Variants in CKAP5 observed in about 807,000 individuals in gnomAD.
CKAP5 encodes the protein cytoskeleton associated protein 5, also known as cytoskeleton-associated protein 5.
Under a neutral mutation model 232.8 loss-of-function variants are expected in CKAP5, and 27 were observed. The ratio of observed to expected loss-of-function variants is 0.12; its 90% confidence interval spans 0.09 to 0.16. The LOEUF (loss-of-function observed/expected upper bound fraction) is 0.16. Among genes scored for constraint, CKAP5 ranks in the 10% least tolerant of loss-of-function variants. The pLI, the probability that CKAP5 is intolerant of heterozygous loss-of-function variation, is 1.00. For missense variants in CKAP5, 1,838 were observed against 2,424.7 expected (o/e 0.76, Z 5.08); for synonymous variants, 785 against 841.1 (o/e 0.93, Z 1.16).
chr11:46,763,357 C>T (rs559698982), intron 29 of CKAP5, 124 bp downstream of exon 29: 1 of 1,010,354 alleles, frequency 9.9e-7, no homozygotes, highest in Non-Finnish European at 1.4e-6. Flanking sequence ...AATAACAAGA[C>T]AGCTCTAAAA....
chr11:46,831,389 C>CAG (rs1169293250), intron 1 of CKAP5, among the ~76,000 whole-genome samples: 1 of 152,176 alleles, frequency 6.6e-6, no homozygotes, highest in African/African-American at 2.4e-5. Context: ...TTCACTCTCT[C>CAG]TCTTAACATT....
At position 46,758,787 on chromosome 11, in the gene CKAP5, T is replaced by C; in HGVS notation, c.4689+136A>G. The C allele has an allele frequency of 4.4e-6, 4 of 917,564 alleles. 1 individual carries two copies. The South Asian group carries it at 7.5e-5, about 17-fold the overall frequency. The allele number at this position is 917,564 out of a possible 1,614,324, so 56.8% of individuals were successfully genotyped here. On this transcript the variant is annotated intron_variant, in intron 35 of 43. Coordinates refer to ENST00000529230, the MANE Select transcript of CKAP5 (RefSeq NM_001008938.4). ...GCAAGTGATGACTGAGTGGCACCTG[T>C]GCATTTCTTTCCTCGGGAAAGTATG...
At chr11:46,771,840 A>G (rs571275484) in intron 24 of CKAP5, among the ~76,000 whole-genome samples, 2 of 152,308 alleles carry the variant, frequency 1.3e-5, no homozygotes, top group African/African-American at 4.8e-5. Context: ...GTTTAGTTTT[A>G]TAAGAAAATA....
intron 8 of CKAP5, among the ~76,000 whole-genome samples, chr11:46,807,333 C>A (rs370714668): frequency 6.6e-6 from 1 of 152,106 alleles, no homozygotes. Context: ...CTTAGGTGTG[C>A]GTATAATTAA....
At chr11:46,814,738 A>G (rs1939358961) in intron 4 of CKAP5, among the ~76,000 whole-genome samples, 1 of 152,238 alleles carries the variant, frequency 6.6e-6, no homozygotes, top group African/African-American at 2.4e-5. Context: ...ATGGCCAAAC[A>G]AGAAAGTCTA....
chr11:46,779,747 G>A (rs944879407), intron 20 of CKAP5, among the ~76,000 whole-genome samples: 2 of 151,928 alleles, frequency 1.3e-5, no homozygotes, highest in African/African-American at 4.8e-5. Flanking sequence ...GGCCTCCTGT[G>A]TAGCTGGGAC....
chr11:46,753,069 T>C, intron 37 of CKAP5: 2 of 451,920 alleles, frequency 4.4e-6, no homozygotes, highest in South Asian at 5.0e-5. Flanking sequence ...GTTTTAGCTA[T>C]GGTCTCAGGC....
intron 1 of CKAP5, among the ~76,000 whole-genome samples, chr11:46,831,489 A>G (rs1939791421): frequency 6.6e-6 from 1 of 152,104 alleles, no homozygotes; most frequent in Non-Finnish European, 1.5e-5. Flanking sequence ...CTAGTGTAAA[A>G]TTTCTAAAAT....
In CKAP5 at chr11:46,760,621, G is replaced by A. The variant is rs997876908; in HGVS notation, c.4385C>T (p.Ser1462Phe). 5 of 1,614,166 alleles carry A rather than the reference G, an allele frequency of 3.1e-6. No homozygotes were observed. Among genetic ancestry groups the A allele is most frequent in the Non-Finnish European group, 4.2e-6 (5 of 1,180,008 alleles). ...LRKGPAEDMS[S>F]KLNQARSMSG... is the part of the protein sequence containing the mutation. Reference sequence around the variant, plus strand: ...ATCTCTATCTACATACTTGAGTTTGGAAGACATGTCCTCAGCTGGTCCCTT... The same window carrying A: ...ATCTCTATCTACATACTTGAGTTTGAAAGACATGTCCTCAGCTGGTCCCTT... The change falls in exon 33 of 44, where the codon TCC becomes TTC. Residue 1462 changes from serine (S) to phenylalanine (F), a missense_variant. This residue lies in a region of CKAP5 where 579 missense variants were observed against 843.2 expected (regional missense o/e 0.69). Transcript: ENST00000529230.
At chr11:46,795,535 C>G (rs1938850916) in intron 13 of CKAP5, 59 bp downstream of exon 13, 2 of 1,410,224 alleles carry the variant, frequency 1.4e-6, no homozygotes, top group Non-Finnish European at 9.6e-7. Context: ...GAGGAACAAC[C>G]ACGAACCTGA....
At chr11:46,832,183 G>A (rs1939808596) in intron 1 of CKAP5, among the ~76,000 whole-genome samples, 1 of 152,092 alleles carries the variant, frequency 6.6e-6, no homozygotes, top group African/African-American at 2.4e-5. Context: ...TTTGTAGAAT[G>A]TGTATTTCAA....
intron 18 of CKAP5, among the ~76,000 whole-genome samples, chr11:46,782,168 T>A (rs1427288978): frequency 6.6e-6 from 1 of 152,132 alleles, no homozygotes; most frequent in African/African-American, 2.4e-5. Context: ...ATATATATAT[T>A]TTTAACTGTT....
chr11:46,811,794 T>A (rs1185026868), intron 4 of CKAP5, among the ~76,000 whole-genome samples: 7 of 152,214 alleles, frequency 4.6e-5, no homozygotes. Context: ...CAAATATGTA[T>A]GTATATACAT....
At chr11:46,829,838 ATGTGTGTGTGTGTGTGTGTGTGTG>A (rs57602333) in intron 1 of CKAP5, among the ~76,000 whole-genome samples, 8 of 143,128 alleles carry the variant, frequency 5.6e-5, no homozygotes, top group East Asian at 4.3e-4. Context: ...CCTTTTTTGT[ATGTGTGTGTGTGTGTGTGTGTGTG>A]TGTGTGTGTG....
intron 35 of CKAP5, among the ~76,000 whole-genome samples, chr11:46,755,397 C>T (rs1461649636): frequency 6.6e-6 from 1 of 151,782 alleles, no homozygotes; most frequent in Admixed American, 6.6e-5. Flanking sequence ...TAAGTAGAGA[C>T]GGGGTTTCAC....
chr11:46,823,184 T>C (rs761277686), intron 1 of CKAP5, among the ~76,000 whole-genome samples: 62 of 152,132 alleles, frequency 4.1e-4, no homozygotes, highest in Non-Finnish European at 4.9e-4. Context: ...TTGCCCAGAC[T>C]GGTCTCGAAC....
intron 42 of CKAP5, among the ~76,000 whole-genome samples, chr11:46,748,125 G>T (rs1360036806): frequency 6.6e-6 from 1 of 152,060 alleles, no homozygotes; most frequent in Non-Finnish European, 1.5e-5. Context: ...GGCACTGGCG[G>T]GTCCTATAAA....
chr11:46,807,534 C>T (rs1939184619), intron 8 of CKAP5, among the ~76,000 whole-genome samples: 1 of 152,188 alleles, frequency 6.6e-6, no homozygotes, highest in Admixed American at 6.5e-5. Flanking sequence ...TACAAAATGT[C>T]CACCAGCAGC....
intron 42 of CKAP5, among the ~76,000 whole-genome samples, chr11:46,747,581 G>A (rs573603085): frequency 4.7e-5 from 7 of 147,474 alleles, no homozygotes; most frequent in Admixed American, 2.0e-4. Flanking sequence ...CAGCCTGGGC[G>A]AGAGAGCAAG....
Sources: gnomAD v4.1 joint callset for allele counts (sites outside exome capture counted in the v4.1 genomes callset) on GRCh38, gnomAD v4.1.1 for gene constraint, gnomAD v4.1.1 regional missense constraint, MANE v1.5 for transcripts, NCBI Gene and HGNC (gene_info 2026-07-23, HGNC 2026-07-21) for gene names.